The following PDPK1 variants were observed in gnomAD, a reference collection of about 807,000 sequenced individuals.
PDPK1 encodes the protein 3-phosphoinositide dependent protein kinase 1, also known as 3-phosphoinositide-dependent protein kinase 1.
A neutral mutation model predicts 39.8 loss-of-function variants in PDPK1; 7 were observed. The observed-to-expected ratio is 0.18, with a 90% CI of 0.10 to 0.33. The LOEUF (loss-of-function observed/expected upper bound fraction) is 0.33. Ranked by LOEUF, PDPK1 falls within the 10% of genes least tolerant of loss-of-function variation. The pLI is 1.00. For missense variants in PDPK1, 182 were observed against 384.7 expected, an observed-to-expected ratio of 0.47 and a Z score of 4.41; for synonymous variants, 118 against 159.1, an observed-to-expected ratio of 0.74 and a Z score of 1.95.
Position 2,598,730 on chromosome 16 carries a change from C to T in PDPK1, c.*963C>T, listed in dbSNP as rs893609715. On this transcript the variant is annotated 3_prime_UTR_variant, in exon 14 of 14. Transcript: ENST00000342085. ...GCCTCCTAAAAGGTTTAAATGTCCA[C>T]GCCTCTCCAGTTGCTGAAGTAGGGT... 1.7e-5 allele frequency: 4 copies of T among 233,166 alleles called. No individual in the cohort carries two copies. The Admixed American group carries it at 2.2e-4, about 13-fold the overall frequency. 14.4% of individuals were successfully genotyped at this position (233,166 alleles called of 1,614,324 possible).
At chr16:2,557,016 C>CG (rs1299931572) in intron 1 of PDPK1, 3 of 128,566 alleles carry the variant, frequency 2.3e-5, no homozygotes, top group Non-Finnish European at 4.9e-5. Flanking sequence ...TTCTGTAGTG[C>CG]GGGGGGCCAC....
intron 1 of PDPK1, among the ~76,000 whole-genome samples, chr16:2,540,899 C>G (rs1195683231): frequency 1.3e-5 from 2 of 152,196 alleles, no homozygotes; most frequent in African/African-American, 4.8e-5. Context: ...CTGTCTTTTG[C>G]AAAGGTGGCT....
At position 2,602,727 on chromosome 16, in the gene PDPK1, G is replaced by A. The variant is rs1379769074; in HGVS notation, c.*4960G>A. 1.7e-5 allele frequency: 4 copies of A among 234,642 alleles called. No homozygotes were observed. The highest frequency in any genetic ancestry group is 2.5e-3 in the Middle Eastern group (2 of 786). 14.5% of individuals were successfully genotyped at this position (234,642 alleles called of 1,614,324 possible). On this transcript the variant is annotated 3_prime_UTR_variant, in exon 14 of 14. Coordinates refer to ENST00000342085, the MANE Select transcript of PDPK1 (RefSeq NM_002613.5). ...CAGGTGGGTGGCAAGCAGAACATGC[G>A]TAATATTCTCTACCTGGTCTGTAGC... is the stretch of plus-strand genomic sequence containing the variant.
rs1020691345 is a variant in PDPK1, at chr16:2,601,183, GTCTC to G, written c.*3423_*3426del. ...GTTTGTTCATTTTGAAGATATTTCT[GTCTC>G]TCTCTCGACCTGATGTGTAGACGCT... On this transcript the variant is annotated 3_prime_UTR_variant, in exon 14 of 14. Transcript: ENST00000342085. 4 of 233,282 alleles carry G rather than the reference GTCTC, an allele frequency of 1.7e-5. No individual in the cohort carries two copies. The South Asian group carries it at 5.4e-4, about 32-fold the overall frequency. The allele number at this position is 233,282 out of a possible 1,614,324, so 14.5% of individuals were successfully genotyped here.
chr16:2,577,093 G>A, intron 6 of PDPK1: 1 of 494,932 alleles, frequency 2.0e-6, no homozygotes, highest in Non-Finnish European at 3.6e-6. Context: ...TGTGTGCCTA[G>A]GCACGTTTGG....
intron 1 of PDPK1, among the ~76,000 whole-genome samples, chr16:2,541,237 C>T (rs1041681230): frequency 2.0e-5 from 3 of 152,188 alleles, no homozygotes; most frequent in African/African-American, 4.8e-5. Flanking sequence ...CTCTAGACTG[C>T]CTTCAGCACA....
chr16:2,546,080 G>A (rs1283753608), intron 1 of PDPK1, among the ~76,000 whole-genome samples: 2 of 152,092 alleles, frequency 1.3e-5, no homozygotes, highest in Non-Finnish European at 2.9e-5. Flanking sequence ...GAGATGATGA[G>A]CTAAAGGTAA....
chr16:2,538,483 C>G (rs1430656690), intron 1 of PDPK1: 1 of 499,326 alleles, frequency 2.0e-6, no homozygotes, highest in South Asian at 1.5e-5. Flanking sequence ...CCAGGGTTAC[C>G]TTTCGGTTCT....
At chr16:2,585,553 T>C (rs2066852179) in intron 10 of PDPK1, among the ~76,000 whole-genome samples, 2 of 152,206 alleles carry the variant, frequency 1.3e-5, no homozygotes, top group Admixed American at 1.3e-4. Context: ...CTTCGTTGGC[T>C]CCTGCTCTCC....
At chr16:2,550,231 G>C (rs1216345375) in intron 1 of PDPK1, among the ~76,000 whole-genome samples, 1 of 151,114 alleles carries the variant, frequency 6.6e-6, no homozygotes, top group African/African-American at 2.4e-5. Flanking sequence ...TTTTTTTTTA[G>C]TAGAGAAAAA....
chr16:2,594,676 C>G (rs769753496), intron 11 of PDPK1: 1 of 152,158 alleles, frequency 6.6e-6, no homozygotes, highest in Non-Finnish European at 1.5e-5. Context: ...AGGTAAACTG[C>G]AGACATTAAA....
chr16:2,538,531 G>T (rs1187159108), intron 1 of PDPK1: 3 of 808,722 alleles, frequency 3.7e-6, no homozygotes, highest in Non-Finnish European at 5.5e-6. Context: ...CACCTGGAAC[G>T]GGGTCCTTGG....
chr16:2,590,625 G>A (rs569187502), intron 11 of PDPK1, among the ~76,000 whole-genome samples: 17 of 152,344 alleles, frequency 1.1e-4, no homozygotes, highest in South Asian at 8.3e-4. Flanking sequence ...TATTTGGCCA[G>A]TATTTTTCTT....
chr16:2,589,888 C>T (rs2066953398), intron 11 of PDPK1, among the ~76,000 whole-genome samples: 1 of 152,194 alleles, frequency 6.6e-6, no homozygotes, highest in African/African-American at 2.4e-5. Context: ...GGAGAGGCCA[C>T]ACGGTAGCTG....
At position 2,598,246 on chromosome 16, in the gene PDPK1, T is replaced by TGCGGGGGCCGCAGCTTTGTG. The variant is rs374612917; in HGVS notation, c.*481_*500dup. 3,959 of 234,748 alleles carry TGCGGGGGCCGCAGCTTTGTG rather than the reference T, an allele frequency of 0.017. 150 individuals carry two copies. Among genetic ancestry groups the TGCGGGGGCCGCAGCTTTGTG allele is most frequent in the African/African-American group, 0.077 (3,493 of 45,468 alleles). 14.5% of individuals were successfully genotyped at this position (234,748 alleles called of 1,614,324 possible). ...GAACTCTTCACCAGGGAGGGAGCCC[T>TGCGGGGGCCGCAGCTTTGTG]GCGGGGGCCGCAGCTTTGTGGAGGG... On this transcript the variant is annotated 3_prime_UTR_variant, in exon 14 of 14. Transcript: ENST00000342085.
chr16:2,589,607 T>C (rs79632988), intron 11 of PDPK1, among the ~76,000 whole-genome samples: 3,065 of 151,112 alleles, frequency 0.02, 113 homozygotes, highest in African/African-American at 0.072. Context: ...GAGGATTACC[T>C]GAGCCTTGGA....
chr16:2,538,255 G>A (rs1272566190), intron 1 of PDPK1, 119 bp downstream of exon 1: 21 of 409,610 alleles, frequency 5.1e-5, no homozygotes, highest in Non-Finnish European at 7.1e-5. Context: ...CTCCTTACCT[G>A]CAGCCGGGCG....
rs575253021 is a variant in PDPK1, at chr16:2,601,245, C to T, written c.*3478C>T. On this transcript the variant is annotated 3_prime_UTR_variant, in exon 14 of 14. Transcript: ENST00000342085. ...AGTAGCAGAACCACCTTAGTTGTGT[C>T]TTACAGATTCTGAACAAATCGGTTT... The T allele has an allele frequency of 4.3e-6, 1 of 234,344 alleles. No homozygotes were observed. The highest frequency in any genetic ancestry group is 5.6e-5 in the Admixed American group (1 of 17,786). 14.5% of individuals were successfully genotyped at this position (234,344 alleles called of 1,614,324 possible).
Position 2,597,637 on chromosome 16 carries a change from T to C in PDPK1, c.1555-14T>C, listed in dbSNP as rs1360355343. 2.5e-6 allele frequency: 4 copies of C among 1,588,358 alleles called. No individual in the cohort carries two copies. The African/African-American group carries it at 5.4e-5, about 21-fold the overall frequency. On this transcript the variant is annotated splice_polypyrimidine_tract_variant and intron_variant, in intron 13 of 13. Transcript: ENST00000342085. This position sits in a 1 kb window ranked among gnomAD's most constrained non-coding sequence, Gnocchi z 6.3. ...GACTCCCTGGAGAACACTAAACGGC[T>C]TCTGTCTTCGCAGCCTAACAGGACG... is the stretch of plus-strand genomic sequence containing the variant.
Sources: gnomAD v4.1 joint callset for allele counts (sites outside exome capture counted in the v4.1 genomes callset) on GRCh38, gnomAD v4.1.1 for gene constraint, Gnocchi (gnomAD v3.1) non-coding constraint, MANE v1.5 for transcripts, NCBI Gene and HGNC (gene_info 2026-07-23, HGNC 2026-07-21) for gene names.